The following ENOX2 variants were observed in gnomAD, a reference collection of about 807,000 sequenced individuals.
The protein encoded by ENOX2 is ecto-NOX disulfide-thiol exchanger 2.
ENOX2 carries 36 observed loss-of-function variants against 45.0 expected under a neutral mutation model. That is an observed-to-expected ratio of 0.80 (90% confidence interval 0.61 to 1.06). The LOEUF is 1.06. Ranked by LOEUF, ENOX2 falls within the 50% of genes least tolerant of loss-of-function variation. The pLI is 0.00. For synonymous variants in ENOX2, 174 were observed against 152.3 expected, an observed-to-expected ratio of 1.14 and a Z score of -1.05; for missense variants, 423 against 462.5, an observed-to-expected ratio of 0.91 and a Z score of 0.78.
intron 3 of ENOX2, among the ~76,000 whole-genome samples, chrX:130,764,187 G>C (rs1342155886): frequency 1.8e-5 from 2 of 110,988 alleles, no homozygotes; most frequent in Non-Finnish European, 3.8e-5. Flanking sequence ...GCCTTCTTAG[G>C]ATTTTTTAAA....
chrX:130,851,086 G>A (rs2078198599), intron 2 of ENOX2, among the ~76,000 whole-genome samples: 1 of 112,213 alleles, frequency 8.9e-6, no homozygotes, highest in African/African-American at 3.2e-5. Flanking sequence ...GGGCCAGGTG[G>A]CTCTGTAATT....
At chrX:130,826,592 GT>G (rs1023930044) in intron 2 of ENOX2, among the ~76,000 whole-genome samples, 1 of 111,389 alleles carries the variant, frequency 9.0e-6, no homozygotes, top group African/African-American at 3.3e-5. Context: ...GGGGTAAAGT[GT>G]TTTTAGGTTT....
chrX:130,667,074 A>G (rs2036853433), intron 8 of ENOX2, among the ~76,000 whole-genome samples: 1 of 112,146 alleles, frequency 8.9e-6, no homozygotes, highest in African/African-American at 3.2e-5. Context: ...AAAATGTAGA[A>G]GTAGCAAATT....
chrX:130,839,812 C>T (rs942518199), intron 2 of ENOX2, among the ~76,000 whole-genome samples: 2 of 111,712 alleles, frequency 1.8e-5, no homozygotes, highest in Non-Finnish European at 3.8e-5. Flanking sequence ...ACTATATTGC[C>T]CATGACTTTG....
At chrX:130,816,456 A>G (rs2077486908) in intron 2 of ENOX2, among the ~76,000 whole-genome samples, 1 of 111,977 alleles carries the variant, frequency 8.9e-6, no homozygotes, top group Non-Finnish European at 1.9e-5. Context: ...CCAAATCAAC[A>G]GAATATACAT....
chrX:130,876,694 C>G (rs1042382487), intron 2 of ENOX2, among the ~76,000 whole-genome samples: 2 of 111,405 alleles, frequency 1.8e-5, no homozygotes. Flanking sequence ...ATTTGAAGGG[C>G]TACCAGTTGC....
At chrX:130,695,854 A>G (rs970841609) in intron 4 of ENOX2, among the ~76,000 whole-genome samples, 11 of 111,461 alleles carry the variant, frequency 9.9e-5, no homozygotes, top group African/African-American at 3.6e-4. Context: ...TGTCAGATTA[A>G]TATCTACCTA....
chrX:130,895,674 TGTGA>T (rs1303075297), intron 2 of ENOX2, among the ~76,000 whole-genome samples: 1 of 112,184 alleles, frequency 8.9e-6, no homozygotes, highest in Non-Finnish European at 1.9e-5. Context: ...AACAACATTT[TGTGA>T]GTAAGAGACC....
chrX:130,761,622 C>A (rs781243902), intron 3 of ENOX2, among the ~76,000 whole-genome samples: 3 of 111,480 alleles, frequency 2.7e-5, no homozygotes, highest in Non-Finnish European at 5.6e-5. Context: ...TCTGGGGAGG[C>A]CTTAGTGAGC....
chrX:130,820,337 A>C (rs1392537938), intron 2 of ENOX2, among the ~76,000 whole-genome samples: 1 of 112,492 alleles, frequency 8.9e-6, no homozygotes, highest in Admixed American at 9.4e-5. Flanking sequence ...TCTGGAGAAA[A>C]GGGAGTGCTT....
intron 3 of ENOX2, among the ~76,000 whole-genome samples, chrX:130,762,456 C>T (rs1403623927): frequency 9.0e-6 from 1 of 111,501 alleles, no homozygotes; most frequent in Non-Finnish European, 1.9e-5. Context: ...GTGGTGCATG[C>T]CCATAGTCCC....
intron 2 of ENOX2, among the ~76,000 whole-genome samples, chrX:130,865,812 T>C (rs965646550): frequency 9.0e-6 from 1 of 111,399 alleles, no homozygotes; most frequent in South Asian, 3.8e-4. Context: ...TCTCCAATTG[T>C]TTTTTCAGCC....
chrX:130,843,802 T>G (rs988228195), intron 2 of ENOX2, among the ~76,000 whole-genome samples: 17 of 112,057 alleles, frequency 1.5e-4, no homozygotes, highest in Non-Finnish European at 3.2e-4. Context: ...AGGGGGTACC[T>G]CATATATGCT....
rs781443437 is a variant in ENOX2, at chrX:130,637,302, A to G, written c.1238T>C (p.Val413Ala). ...VELLKQEQGK[V>A]HREDDPNKEQ... ...TTTGTTAGGGTCATCTTCTCTGTGG[A>G]CTTTGCCTTGTTCTTGCTTGAGCAG... Residue 413 changes from valine (V) to alanine (A), a missense_variant, in exon 11 of 15, where the codon GTC becomes GCC. Physicochemically the swap from Val to Ala is moderately conservative, Grantham distance 64. This residue lies in a region of ENOX2 where 108 missense variants were observed against 70.6 expected (regional missense o/e 1.53). Transcript: ENST00000394363. 1.7e-6 allele frequency: 2 copies of G among 1,210,785 alleles called. No individual in the cohort carries two copies. Among genetic ancestry groups the G allele is most frequent in the Non-Finnish European group, 2.2e-6 (2 of 894,816 alleles).
chrX:130,667,837 G>T, intron 7 of ENOX2, 95 bp from the exon 8 acceptor site: 1 of 632,822 alleles, frequency 1.6e-6, no homozygotes, highest in South Asian at 2.9e-5. Context: ...ATTTTTGGCA[G>T]TGATGGGTAA....
intron 9 of ENOX2, among the ~76,000 whole-genome samples, chrX:130,657,090 T>C (rs1310824703): frequency 8.9e-6 from 1 of 112,052 alleles, no homozygotes; most frequent in Non-Finnish European, 1.9e-5. Context: ...TTCTCTGTCT[T>C]TTTATAGTTT....
At position 130,688,897 on chromosome X, in the gene ENOX2, G is replaced by A; in HGVS notation, c.219C>T (p.His73=). The change falls in exon 5 of 15, where the codon CAC becomes CAT. Residue 73 remains histidine (H), a synonymous_variant. Transcript: ENST00000394363. The part of the protein sequence containing the change: ...PDMPVVKEII[H]CKSCTLFPPN... ...GAGGGAAGAGCGTGCAGCTTTTACAGTGTATGATCTCTTTTACTACTGGCA... is the reference window on the plus strand; with the variant it reads ...GAGGGAAGAGCGTGCAGCTTTTACAATGTATGATCTCTTTTACTACTGGCA... 4.2e-6 allele frequency: 5 copies of A among 1,202,803 alleles called. No individual in the cohort carries two copies. Among genetic ancestry groups the A allele is most frequent in the Non-Finnish European group, 4.5e-6 (4 of 887,840 alleles).
intron 3 of ENOX2, among the ~76,000 whole-genome samples, chrX:130,760,685 CTGAGGTGGAAGAATAGCTTGAACCTG>C (rs1055662145): frequency 6.8e-4 from 69 of 101,598 alleles, no homozygotes; most frequent in East Asian, 1.6e-3. Context: ...ACTCGGGAGC[CTGAGGTGGAAGAATAGCTTGAACCTG>C]GGAGGTGGAG....
intron 3 of ENOX2, among the ~76,000 whole-genome samples, chrX:130,736,988 C>T (rs1477230959): frequency 8.9e-6 from 1 of 112,179 alleles, no homozygotes; most frequent in East Asian, 2.8e-4. Context: ...GAAGAATTTA[C>T]AACCAAACTA....
Sources: allele counts gnomAD v4.1 joint callset (sites outside exome capture counted in the v4.1 genomes callset), GRCh38; gene constraint gnomAD v4.1.1; regional missense constraint gnomAD v4.1.1; transcripts MANE v1.5; gene names NCBI Gene and HGNC (gene_info 2026-07-23, HGNC 2026-07-21).